The following SEC24D variants were observed in gnomAD, a reference collection of about 807,000 sequenced individuals.
SEC24D encodes SEC24 homolog D, COPII component.
SEC24D carries 69 observed loss-of-function variants against 116.9 expected under a neutral mutation model. That is an observed-to-expected ratio of 0.59 (90% CI 0.49 to 0.72). The LOEUF (loss-of-function observed/expected upper bound fraction) is 0.72. SEC24D is among the 30% of genes least tolerant of loss of function. The pLI is 0.00. For synonymous variants in SEC24D, 405 were observed against 442.8 expected, an observed-to-expected ratio of 0.91 and a Z score of 1.07; for missense variants, 1,131 against 1,264.1, an observed-to-expected ratio of 0.89 and a Z score of 1.60.
At chr4:118,759,471 G>A (rs754013180) in intron 10 of SEC24D, among the ~76,000 whole-genome samples, 10 of 152,134 alleles carry the variant, frequency 6.6e-5, no homozygotes, top group Non-Finnish European at 7.4e-5. Flanking sequence ...GCTTTGTCCA[G>A]CCAAGCTTAA....
At chr4:118,815,377 G>T in intron 5 of SEC24D, 74 bp downstream of exon 5, 1 of 1,545,752 alleles carries the variant, frequency 6.5e-7, no homozygotes, top group Non-Finnish European at 8.9e-7. Flanking sequence ...TAGTAACATA[G>T]GAACAAAGCT....
At chr4:118,830,909 A>C (rs1042354403) in intron 2 of SEC24D, among the ~76,000 whole-genome samples, 1 of 152,234 alleles carries the variant, frequency 6.6e-6, no homozygotes, top group Non-Finnish European at 1.5e-5. Flanking sequence ...TGGATTGAAC[A>C]AAAAGAGTGA....
At chr4:118,769,617 C>G (rs1464037593) in intron 8 of SEC24D, 1 of 152,112 alleles carries the variant, frequency 6.6e-6, no homozygotes, top group Non-Finnish European at 1.5e-5. Flanking sequence ...AAAGTGAAAG[C>G]TGAGGTTTCA....
intron 8 of SEC24D, among the ~76,000 whole-genome samples, chr4:118,773,316 C>T (rs892288238): frequency 6.6e-6 from 1 of 152,094 alleles, no homozygotes; most frequent in African/African-American, 2.4e-5. Context: ...ACAATGGGAC[C>T]TAAATAAGAT....
At chr4:118,802,711 T>C (rs1277764768) in intron 7 of SEC24D, among the ~76,000 whole-genome samples, 2 of 152,132 alleles carry the variant, frequency 1.3e-5, no homozygotes, top group Non-Finnish European at 2.9e-5. Context: ...TTCCATACTA[T>C]ACGATCCAGC....
chr4:118,825,160 G>A (rs929894075), intron 2 of SEC24D, among the ~76,000 whole-genome samples: 10 of 152,174 alleles, frequency 6.6e-5, no homozygotes, highest in South Asian at 2.1e-4. Context: ...TAACTAAACG[G>A]GGCATGGGGG....
intron 10 of SEC24D, chr4:118,764,408 G>A (rs529081181): frequency 2.5e-4 from 40 of 159,720 alleles, no homozygotes; most frequent in Non-Finnish European, 4.0e-4. Context: ...ACAGAAACAC[G>A]TCAATAGTCC....
At chr4:118,802,720 G>A (rs1729497807) in intron 7 of SEC24D, among the ~76,000 whole-genome samples, 1 of 152,100 alleles carries the variant, frequency 6.6e-6, no homozygotes, top group Non-Finnish European at 1.5e-5. Flanking sequence ...ATACGATCCA[G>A]CAATTTCACT....
chr4:118,772,725 A>G (rs1727956869), intron 8 of SEC24D, among the ~76,000 whole-genome samples: 1 of 152,180 alleles, frequency 6.6e-6, no homozygotes. Flanking sequence ...GTGCAAAATA[A>G]CAAAGCAACA....
intron 8 of SEC24D, among the ~76,000 whole-genome samples, chr4:118,793,339 C>T (rs982254220): frequency 2.0e-5 from 3 of 149,998 alleles, no homozygotes; most frequent in Admixed American, 1.3e-4. Flanking sequence ...TAGTGGCGGG[C>T]GCCTGTAGTC....
chr4:118,752,589 GA>G, intron 12 of SEC24D, 107 bp downstream of exon 12: 1 of 731,172 alleles, frequency 1.4e-6, no homozygotes. Flanking sequence ...TCTGTGTCTT[GA>G]AACCCCCTTG....
At chr4:118,793,091 A>ATGTTCCTGAACTCTAATGTTC (rs1414549060) in intron 8 of SEC24D, among the ~76,000 whole-genome samples, 1 of 152,126 alleles carries the variant, frequency 6.6e-6, no homozygotes, top group South Asian at 2.1e-4. Flanking sequence ...GAAAATAATA[A>ATGTTCCTGAACTCTAATGTTC]AGGGAACTTA....
intron 11 of SEC24D, among the ~76,000 whole-genome samples, chr4:118,755,971 A>G (rs1383011451): frequency 6.6e-6 from 1 of 152,168 alleles, no homozygotes; most frequent in African/African-American, 2.4e-5. Flanking sequence ...TAAAGTTATA[A>G]TGACACCAAA....
At chr4:118,735,146 G>A (rs991098887) in intron 19 of SEC24D, among the ~76,000 whole-genome samples, 5 of 152,066 alleles carry the variant, frequency 3.3e-5, no homozygotes, top group Non-Finnish European at 7.4e-5. Flanking sequence ...TGACACTATT[G>A]GGACTAAAAA....
chr4:118,796,502 T>C (rs958850007), intron 8 of SEC24D, among the ~76,000 whole-genome samples: 10 of 152,244 alleles, frequency 6.6e-5, no homozygotes, highest in Non-Finnish European at 2.9e-5. Flanking sequence ...TGACCTACTC[T>C]AAGCCAGTTC....
chr4:118,816,153 T>C (rs996976538), intron 4 of SEC24D, among the ~76,000 whole-genome samples: 1 of 142,834 alleles, frequency 7.0e-6, no homozygotes, highest in African/African-American at 2.6e-5. Flanking sequence ...GGTCTCAAAC[T>C]CCTGGGCTCA....
chr4:118,740,914 C>T, intron 16 of SEC24D, 27 bp downstream of exon 16: 1 of 1,584,514 alleles, frequency 6.3e-7, no homozygotes, highest in South Asian at 1.1e-5. Flanking sequence ...CAAGAGAGAC[C>T]CGAAGAATTG....
chr4:118,827,983 C>T (rs528185357), intron 2 of SEC24D, among the ~76,000 whole-genome samples: 1 of 152,164 alleles, frequency 6.6e-6, no homozygotes, highest in South Asian at 2.1e-4. Flanking sequence ...AAGATAAGCT[C>T]CCTATTATAT....
At chr4:118,797,645 T>G in intron 8 of SEC24D, 38 bp downstream of exon 8, 1 of 1,468,800 alleles carries the variant, frequency 6.8e-7, no homozygotes, top group Non-Finnish European at 9.2e-7. Context: ...ATTTTGGAAT[T>G]GATAAATTAT....
Sources: allele counts gnomAD v4.1 joint callset (sites outside exome capture counted in the v4.1 genomes callset), GRCh38; gene constraint gnomAD v4.1.1; transcripts MANE v1.5; gene names NCBI Gene and HGNC (gene_info 2026-07-23, HGNC 2026-07-21).